DIAPH3: variants seen among roughly 807,000 people sequenced by gnomAD.
DIAPH3 encodes the protein protein diaphanous homolog 3.
A neutral mutation model predicts 144.3 loss-of-function variants in DIAPH3; 117 were observed. That is an observed-to-expected ratio of 0.81 (90% confidence interval 0.70 to 0.95). The LOEUF is 0.95. Among genes scored for constraint, DIAPH3 ranks in the 40% least tolerant of loss-of-function variants. The pLI is 0.00. For missense variants in DIAPH3, 1,421 were observed against 1,412.7 expected (o/e 1.01, Z -0.09); for synonymous variants, 519 against 488.9 (o/e 1.06, Z -0.81).
intron 3 of DIAPH3, among the ~76,000 whole-genome samples, chr13:60,110,847 C>G (rs556223511): frequency 6.6e-6 from 1 of 152,264 alleles, no homozygotes; most frequent in African/African-American, 2.4e-5. Flanking sequence ...CATCTGACCT[C>G]TAAATAATAT....
chr13:59,992,829 T>C (rs1272153083), intron 9 of DIAPH3, among the ~76,000 whole-genome samples: 5 of 145,346 alleles, frequency 3.4e-5, no homozygotes, highest in African/African-American at 1.0e-4. Flanking sequence ...CCGTTACTAC[T>C]GCTCCATAAA....
At chr13:60,059,223 C>A (rs774921507) in intron 4 of DIAPH3, among the ~76,000 whole-genome samples, 1 of 151,360 alleles carries the variant, frequency 6.6e-6, no homozygotes, top group Non-Finnish European at 1.5e-5. Context: ...GAGAAGCAGT[C>A]TTGAAGAGGA....
chr13:59,678,936 A>C (rs1400991166), intron 27 of DIAPH3, among the ~76,000 whole-genome samples: 1 of 152,222 alleles, frequency 6.6e-6, no homozygotes, highest in African/African-American at 2.4e-5. Context: ...ACATGACTAC[A>C]TGACAACTCA....
At chr13:59,892,949 G>A (rs1428857025) in intron 20 of DIAPH3, among the ~76,000 whole-genome samples, 2 of 152,014 alleles carry the variant, frequency 1.3e-5, no homozygotes, top group African/African-American at 4.8e-5. Flanking sequence ...TCAAAATAAA[G>A]CTGAAGTGGC....
intron 1 of DIAPH3, among the ~76,000 whole-genome samples, chr13:60,151,835 G>A (rs1951803088): frequency 6.6e-6 from 1 of 152,124 alleles, no homozygotes; most frequent in African/African-American, 2.4e-5. Flanking sequence ...AAGTGAAATA[G>A]TCATATTGAA....
chr13:60,011,832 G>T (rs1010753798), intron 7 of DIAPH3, among the ~76,000 whole-genome samples: 2 of 152,182 alleles, frequency 1.3e-5, no homozygotes, highest in Non-Finnish European at 2.9e-5. Flanking sequence ...TTCTATAAAT[G>T]AGACGATTGG....
At chr13:59,934,433 A>G (rs865922711) in intron 17 of DIAPH3, among the ~76,000 whole-genome samples, 3 of 152,202 alleles carry the variant, frequency 2.0e-5, no homozygotes, top group Admixed American at 6.5e-5. Context: ...TGACACAGAG[A>G]GAAGATAATA....
intron 15 of DIAPH3, among the ~76,000 whole-genome samples, chr13:59,972,798 G>C (rs959155839): frequency 6.6e-6 from 1 of 152,184 alleles, no homozygotes; most frequent in Non-Finnish European, 1.5e-5. Flanking sequence ...GCCAGACACT[G>C]TGACTATCTT....
chr13:59,877,102 A>G (rs2044678516), intron 21 of DIAPH3, among the ~76,000 whole-genome samples: 1 of 152,086 alleles, frequency 6.6e-6, no homozygotes, highest in Admixed American at 6.6e-5. Flanking sequence ...TGGACACTCA[A>G]ACCTTTGCTA....
At chr13:59,882,915 AC>A (rs558060440) in intron 20 of DIAPH3, among the ~76,000 whole-genome samples, 450 of 152,026 alleles carry the variant, frequency 3.0e-3, no homozygotes, top group Non-Finnish European at 5.0e-3. Flanking sequence ...TACTCCTGTA[AC>A]CCCCCCACAC....
intron 17 of DIAPH3, among the ~76,000 whole-genome samples, chr13:59,949,852 C>T (rs1436743842): frequency 6.6e-6 from 1 of 152,144 alleles, no homozygotes; most frequent in Non-Finnish European, 1.5e-5. Flanking sequence ...CCTAAATCAT[C>T]CCATGCTCTG....
At chr13:60,058,497 T>C (rs1351605235) in intron 4 of DIAPH3, among the ~76,000 whole-genome samples, 1 of 152,000 alleles carries the variant, frequency 6.6e-6, no homozygotes, top group Non-Finnish European at 1.5e-5. Context: ...CTCAAAGAAC[T>C]AAAAGCAGAT....
intron 23 of DIAPH3, among the ~76,000 whole-genome samples, chr13:59,833,737 T>C (rs531286124): frequency 2.0e-5 from 3 of 151,840 alleles, no homozygotes; most frequent in South Asian, 4.1e-4. Context: ...AGTGCCTTCA[T>C]GTCTCTGTGC....
chr13:59,710,271 T>A (rs2034664360), intron 27 of DIAPH3, among the ~76,000 whole-genome samples: 1 of 150,248 alleles, frequency 6.7e-6, no homozygotes, highest in Non-Finnish European at 1.5e-5. Flanking sequence ...AAAATAAAAA[T>A]TTATTTTGGA....
At chr13:60,080,295 A>G (rs565895373) in intron 4 of DIAPH3, among the ~76,000 whole-genome samples, 57 of 151,968 alleles carry the variant, frequency 3.8e-4, no homozygotes, top group Middle Eastern at 3.5e-3. Context: ...TTACTACTCT[A>G]TATATAATAA....
chr13:59,866,557 T>C (rs1234137134), intron 21 of DIAPH3, among the ~76,000 whole-genome samples: 2 of 152,092 alleles, frequency 1.3e-5, no homozygotes, highest in Non-Finnish European at 2.9e-5. Flanking sequence ...CTTGAGGTCA[T>C]TTCTAGTTCT....
intron 4 of DIAPH3, among the ~76,000 whole-genome samples, chr13:60,090,346 A>G (rs1332688581): frequency 1.3e-5 from 2 of 152,142 alleles, no homozygotes; most frequent in African/African-American, 4.8e-5. Flanking sequence ...ATAACGTCTT[A>G]GAAATAACCT....
intron 24 of DIAPH3, among the ~76,000 whole-genome samples, chr13:59,832,034 CAA>C (rs1377809698): frequency 1.3e-5 from 2 of 151,900 alleles, no homozygotes; most frequent in Admixed American, 6.6e-5. Flanking sequence ...TCTCAGACTG[CAA>C]AGTCTTTACT....
chr13:60,013,621 T>A (rs1300767120), intron 7 of DIAPH3, among the ~76,000 whole-genome samples: 1 of 152,210 alleles, frequency 6.6e-6, no homozygotes, highest in Non-Finnish European at 1.5e-5. Context: ...TTATAAGAAA[T>A]TCACTTTCAT....
Sources: allele counts gnomAD v4.1 joint callset (sites outside exome capture counted in the v4.1 genomes callset), GRCh38; gene constraint gnomAD v4.1.1; transcripts MANE v1.5; gene names NCBI Gene and HGNC (gene_info 2026-07-23, HGNC 2026-07-21).